The following TTC8 variants were observed in gnomAD, a reference collection of about 807,000 sequenced individuals.
The protein encoded by TTC8 is tetratricopeptide repeat protein 8.
Under a neutral mutation model 72.5 loss-of-function variants are expected in TTC8, and 47 were observed. The observed-to-expected ratio is 0.65, with a 90% CI of 0.51 to 0.83. TTC8 has a LOEUF of 0.83. Ranked by LOEUF, TTC8 falls within the 40% of genes least tolerant of loss-of-function variation. TTC8 has a pLI of 0.00. For missense variants in TTC8, 611 were observed against 623.2 expected (o/e 0.98, Z 0.21); for synonymous variants, 199 against 221.4 (o/e 0.90, Z 0.90).
At chr14:88,860,833 G>T (rs2094882447) in intron 9 of TTC8, among the ~76,000 whole-genome samples, 1 of 151,024 alleles carries the variant, frequency 6.6e-6, no homozygotes, top group East Asian at 1.9e-4. Flanking sequence ...TGAAGACAGG[G>T]TTTCACTCTG....
intron 10 of TTC8, among the ~76,000 whole-genome samples, chr14:88,861,820 C>T (rs888236737): frequency 1.3e-5 from 2 of 152,134 alleles, no homozygotes; most frequent in South Asian, 2.1e-4. Flanking sequence ...AGGATTTCAT[C>T]CTTTTTTATG....
chr14:88,857,310 T>G (rs371777532), intron 9 of TTC8, 33 bp downstream of exon 9: 12 of 1,567,804 alleles, frequency 7.7e-6, no homozygotes, highest in Non-Finnish European at 1.1e-5. Context: ...GAAATCTGCC[T>G]TCTCAGAATA....
chr14:88,834,451 G>A (rs952630447), intron 2 of TTC8, among the ~76,000 whole-genome samples: 2 of 152,168 alleles, frequency 1.3e-5, no homozygotes, highest in Non-Finnish European at 2.9e-5. Flanking sequence ...TACCAAGCGA[G>A]ATGGAATGTT....
chr14:88,857,576 A>G (rs1462011357), intron 9 of TTC8, among the ~76,000 whole-genome samples: 2 of 152,140 alleles, frequency 1.3e-5, no homozygotes, highest in Non-Finnish European at 2.9e-5. Flanking sequence ...ATGAGGCCTT[A>G]TTTTCTACAG....
At chr14:88,876,206 G>T (rs1032752885) in intron 14 of TTC8, among the ~76,000 whole-genome samples, 1 of 152,096 alleles carries the variant, frequency 6.6e-6, no homozygotes, top group Non-Finnish European at 1.5e-5. Flanking sequence ...GCTTACCTTC[G>T]GGAATAGCAC....
At chr14:88,860,809 T>TC (rs1480441761) in intron 9 of TTC8, among the ~76,000 whole-genome samples, 2 of 143,872 alleles carry the variant, frequency 1.4e-5, no homozygotes, top group Non-Finnish European at 3.0e-5. Context: ...TTCTTCTTCT[T>TC]CTTTTTTTTT....
rs1241927358 is a variant in TTC8, at chr14:88,877,598, A to G, written c.*188A>G. On this transcript the variant is annotated 3_prime_UTR_variant, in exon 15 of 15. Coordinates refer to ENST00000380656, the MANE Select transcript of TTC8 (RefSeq NM_144596.4). ...CAAATTTCATAGTAATAGTAACTTT[A>G]TAAAATAATATTATAAAATACAGGA... The G allele has an allele frequency of 8.1e-6, 4 of 491,490 alleles. No individual in the cohort carries two copies. The highest frequency in any genetic ancestry group is 3.9e-5 in the African/African-American group (2 of 51,596). The allele number at this position is 491,490 out of a possible 1,614,324, so 30.4% of individuals were successfully genotyped here. A position where few individuals can be genotyped will look rare whatever the true frequency, so the allele number is the denominator to read the frequency against.
In TTC8 at chr14:88,877,326, G is replaced by T; in HGVS notation, c.1464G>T (p.Ala488=). The change falls in exon 15 of 15, where the codon GCG becomes GCT. Residue 488 remains alanine (A), a synonymous_variant. Transcript: ENST00000380656. ...IGDLQRSYVA[A]QKSEAAFPDH... Reference sequence around the variant, plus strand: ...ATCTGCAGAGAAGCTATGTTGCTGCGCAGAAGTCTGAAGCAGCATTTCCAG... The same window carrying T: ...ATCTGCAGAGAAGCTATGTTGCTGCTCAGAAGTCTGAAGCAGCATTTCCAG... 5 of 1,613,522 alleles carry T rather than the reference G, an allele frequency of 3.1e-6. No homozygotes were observed. The highest frequency in any genetic ancestry group is 4.2e-6 in the Non-Finnish European group (5 of 1,179,754).
At chr14:88,858,894 GC>G (rs943324436) in intron 9 of TTC8, among the ~76,000 whole-genome samples, 1 of 149,420 alleles carries the variant, frequency 6.7e-6, no homozygotes, top group Non-Finnish European at 1.5e-5. Flanking sequence ...GAGCCATCAT[GC>G]CCAGCTTACA....
chr14:88,864,976 CT>C (rs1273473715), intron 10 of TTC8, among the ~76,000 whole-genome samples: 1 of 151,968 alleles, frequency 6.6e-6, no homozygotes, highest in Non-Finnish European at 1.5e-5. Context: ...TTTTTTTTAT[CT>C]TTCATTGTTG....
rs774216735 is a variant in TTC8 at position 88,871,623 on chromosome 14, A to T, written c.1124A>T (p.Gln375Leu). 9.9e-6 allele frequency: 16 copies of T among 1,614,168 alleles called. No individual in the cohort carries two copies. The highest frequency in any genetic ancestry group is 1.4e-5 in the Non-Finnish European group (16 of 1,180,006). ...GGGCTGTGTTGCTTCTATGCCCAGCAGTATGATATGACTCTGACCTCATTT... is the reference window on the plus strand; with the variant it reads ...GGGCTGTGTTGCTTCTATGCCCAGCTGTATGATATGACTCTGACCTCATTT... ...NLGLCCFYAQ[Q>L]YDMTLTSFER... Residue 375 changes from glutamine to leucine, a missense_variant, in exon 12 of 15, where the codon CAG becomes CTG. Coordinates refer to ENST00000380656, the MANE Select transcript of TTC8 (RefSeq NM_144596.4). The surrounding 1 kb of genome is among the most constrained non-coding windows in gnomAD (Gnocchi z 4.1).
intron 12 of TTC8, 92 bp from the exon 13 acceptor site, chr14:88,872,238 T>G: frequency 6.4e-7 from 1 of 1,564,254 alleles, no homozygotes; most frequent in Non-Finnish European, 8.8e-7. Context: ...ACTTGATGCT[T>G]TTTGTCTGGT....
intron 6 of TTC8, among the ~76,000 whole-genome samples, chr14:88,842,966 G>T (rs551852845): frequency 2.0e-5 from 3 of 151,286 alleles, no homozygotes; most frequent in South Asian, 4.2e-4. Flanking sequence ...TTTTTTTAAA[G>T]AAAGGCCTTG....
rs1308227480 is a variant in TTC8 at position 88,843,842 on chromosome 14, G to C, written c.616G>C (p.Val206Leu). The change falls in exon 7 of 15, where the codon GTT (valine) becomes CTT (leucine). Residue 206 changes from valine (V) to leucine (L), a missense_variant. Val to Leu is a conservative substitution (Grantham distance 32, BLOSUM62 1). Coordinates refer to ENST00000380656, the MANE Select transcript of TTC8 (RefSeq NM_144596.4). ...GTATATCTTTCATCATGAAAATGATGTTAAGACTGTAAGTTTTGAATTCAT... is the reference window on the plus strand; with the variant it reads ...GTATATCTTTCATCATGAAAATGATCTTAAGACTGTAAGTTTTGAATTCAT... ...FEYIFHHEND[V>L]KTALDLAALS... The C allele has an allele frequency of 1.9e-6, 3 of 1,591,648 alleles. No homozygotes were observed. The highest frequency in any genetic ancestry group is 2.3e-5 in the South Asian group (2 of 88,544).
At position 88,840,942 on chromosome 14, in the gene TTC8, C is replaced by T. The variant is rs749755199; in HGVS notation, c.329+14C>T. 1 of 1,614,122 alleles carries T rather than the reference C, an allele frequency of 6.2e-7. No homozygotes were observed. The highest frequency in any genetic ancestry group is 8.5e-7 in the Non-Finnish European group (1 of 1,179,972). On this transcript the variant is annotated intron_variant, in intron 4 of 14. Coordinates refer to ENST00000380656, the MANE Select transcript of TTC8 (RefSeq NM_144596.4). ...CCAGGCCGTTAGGTATGTACTTCTG[C>T]TTCATAACCTCTGCCACTAAATATT...
intron 1 of TTC8, 107 bp downstream of exon 1, chr14:88,824,928 G>A (rs1171192251): frequency 2.5e-5 from 28 of 1,129,260 alleles, no homozygotes; most frequent in Non-Finnish European, 6.5e-6. Context: ...CCCGAGGCGG[G>A]GCTGACCGTT....
At chr14:88,846,813 A>G (rs2094808920) in intron 7 of TTC8, 2 of 470,556 alleles carry the variant, frequency 4.3e-6, no homozygotes, top group Admixed American at 4.2e-5. Context: ...TTAAACAGAT[A>G]GAGTAGTAAC....
rs923114015 is a variant in TTC8 at position 88,857,131 on chromosome 14, G to T, written c.711-59G>T. On this transcript the variant is annotated intron_variant, in intron 8 of 14. Transcript: ENST00000380656. ...TAATTTGTCTCTATTCATCCTCAGG[G>T]TATGATGTAGTGTTTATTTTTAAGT... 1.3e-5 allele frequency: 19 copies of T among 1,429,122 alleles called. No individual in the cohort carries two copies. The African/African-American group carries it at 2.1e-4, about 16-fold the overall frequency. The allele number at this position is 1,429,122 out of a possible 1,614,324, so 88.5% of individuals were successfully genotyped here.
Position 88,877,459 on chromosome 14 carries a change from G to GA in TTC8, c.*55dup. 1 of 1,452,558 alleles carries GA rather than the reference G, an allele frequency of 6.9e-7. No individual in the cohort carries two copies. Among genetic ancestry groups the GA allele is most frequent in the Non-Finnish European group, 9.7e-7 (1 of 1,033,276 alleles). 90.0% of individuals were successfully genotyped at this position (1,452,558 alleles called of 1,614,324 possible). A position where few individuals can be genotyped will look rare whatever the true frequency, so the allele number is the denominator to read the frequency against. ...CTTATGAAGCAGCATTATGCAAGGG[G>GA]AAAAAAGCACTATGTCTGTGTATGT... On this transcript the variant is annotated 3_prime_UTR_variant, in exon 15 of 15. Coordinates refer to ENST00000380656, the MANE Select transcript of TTC8 (RefSeq NM_144596.4).
Sources: allele counts gnomAD v4.1 joint callset (sites outside exome capture counted in the v4.1 genomes callset), GRCh38; gene constraint gnomAD v4.1.1; non-coding constraint Gnocchi (gnomAD v3.1); transcripts MANE v1.5; gene names NCBI Gene and HGNC (gene_info 2026-07-23, HGNC 2026-07-21).